LSS: variants seen among roughly 807,000 people sequenced by gnomAD.
LSS encodes 2,3-epoxysqualene-lanosterol cyclase.
A neutral mutation model predicts 110.3 loss-of-function variants in LSS; 90 were observed. The ratio of observed to expected loss-of-function variants is 0.82; its 90% CI spans 0.69 to 0.97. The LOEUF is 0.97. Ranked by LOEUF, LSS falls within the 50% of genes least tolerant of loss-of-function variation. LSS has a pLI of 0.00. For synonymous variants in LSS, 433 were observed against 400.0 expected (o/e 1.08, Z -0.98); for missense variants, 927 against 990.0 (o/e 0.94, Z 0.85).
intron 20 of LSS, among the ~76,000 whole-genome samples, chr21:46,194,260 T>C (rs2079874695): frequency 6.6e-6 from 1 of 152,188 alleles, no homozygotes; most frequent in Admixed American, 6.5e-5. Context: ...GGTGGTTCAC[T>C]TCTAAGAGGC....
intron 20 of LSS, chr21:46,192,374 G>A (rs2095304624): frequency 2.4e-6 from 1 of 415,672 alleles, no homozygotes; most frequent in Non-Finnish European, 4.8e-6. Flanking sequence ...GTGGGTCCCT[G>A]ACTGTCCTGC....
intron 17 of LSS, among the ~76,000 whole-genome samples, chr21:46,197,643 A>G (rs899747985): frequency 1.3e-5 from 2 of 152,342 alleles, no homozygotes; most frequent in Admixed American, 1.3e-4. Flanking sequence ...TAATCCCAGC[A>G]CTTTGGGAGA....
At position 46,195,891 on chromosome 21, in the gene LSS, G is replaced by C. The variant is rs61178871; in HGVS notation, c.1737-135C>G. On this transcript the variant is annotated intron_variant, in intron 18 of 21. Coordinates refer to ENST00000397728, the MANE Select transcript of LSS (RefSeq NM_002340.6). ...CAGTGCCTCAGGCATTAAGGCCGTG[G>C]AAGACAGCAGCTCTGTCTGCTGGAC... 131 of 713,362 alleles carry C rather than the reference G, an allele frequency of 1.8e-4. 1 individual carries two copies. In the South Asian group the frequency reaches 2.1e-3, roughly 11 times the overall value. The allele number at this position is 713,362 out of a possible 1,614,324, so 44.2% of individuals were successfully genotyped here.
At position 46,216,373 on chromosome 21, in the gene LSS, C is replaced by T. The variant is rs1406930210; in HGVS notation, c.783+16G>A. 1.2e-6 allele frequency: 2 copies of T among 1,613,410 alleles called. No individual in the cohort carries two copies. The highest frequency in any genetic ancestry group is 1.3e-5 in the African/African-American group (1 of 74,930). On this transcript the variant is annotated intron_variant, in intron 7 of 21. Transcript: ENST00000397728. The surrounding 1 kb of genome is among the most constrained non-coding windows in gnomAD (Gnocchi z 4.2). ...AGCCCCAGAGGCCTTCACTTTGTTCCCTGATGAGGTCCTACCTGGCGGAGG... is the reference window on the plus strand; with the variant it reads ...AGCCCCAGAGGCCTTCACTTTGTTCTCTGATGAGGTCCTACCTGGCGGAGG...
chr21:46,206,900 T>C, intron 15 of LSS, 132 bp from the exon 16 acceptor site: 1 of 701,040 alleles, frequency 1.4e-6, no homozygotes, highest in South Asian at 1.6e-5. Flanking sequence ...GGCGGAGAGC[T>C]GATTTCCACG....
At chr21:46,192,560 A>G (rs2079834370) in intron 20 of LSS, 1 of 396,084 alleles carries the variant, frequency 2.5e-6, no homozygotes, top group Admixed American at 2.6e-5. Flanking sequence ...ACATGTGTGC[A>G]TAGACCTGTA....
Position 46,227,541 on chromosome 21 carries a change from C to T in LSS, c.319+11G>A, listed in dbSNP as rs1462928777. 1.2e-6 allele frequency: 2 copies of T among 1,613,896 alleles called. No homozygotes were observed. Among genetic ancestry groups the T allele is most frequent in the South Asian group, 1.1e-5 (1 of 91,074 alleles). On this transcript the variant is annotated intron_variant, in intron 3 of 21. Coordinates refer to ENST00000397728, the MANE Select transcript of LSS (RefSeq NM_002340.6). ...TGGCCATACCATCAGGCTGGGGCAG[C>T]ATACTCCTACCTGGCAGGAGGAAAA... is the stretch of plus-strand genomic sequence containing the variant.
At chr21:46,219,702 T>G in intron 5 of LSS, 130 bp from the exon 6 acceptor site, 1 of 529,886 alleles carries the variant, frequency 1.9e-6, no homozygotes, top group Non-Finnish European at 3.3e-6. Context: ...CAGCCTCATG[T>G]GGATCTTGCG....
chr21:46,225,533 C>T (rs1222125646), intron 3 of LSS, among the ~76,000 whole-genome samples: 1 of 152,228 alleles, frequency 6.6e-6, no homozygotes, highest in Admixed American at 6.5e-5. Flanking sequence ...CAGGCCCACC[C>T]GCAGTTATCC....
At chr21:46,196,391 A>T (rs1454155597) in intron 17 of LSS, 124 bp from the exon 18 acceptor site, 47 of 751,508 alleles carry the variant, frequency 6.3e-5, no homozygotes, top group Non-Finnish European at 1.0e-4. Context: ...ATAAAAATAA[A>T]CAGTTTACAC....
chr21:46,228,328 C>A (rs2080382031), intron 2 of LSS, 106 bp downstream of exon 2: 5 of 1,312,844 alleles, frequency 3.8e-6, no homozygotes, highest in Non-Finnish European at 5.1e-6. Context: ...TGGGGATGGG[C>A]GTCGCTGGCC....
chr21:46,194,750 G>GGTGCA, intron 19 of LSS, 89 bp from the exon 20 acceptor site: 1 of 1,375,234 alleles, frequency 7.3e-7, no homozygotes, highest in Non-Finnish European at 9.8e-7. Flanking sequence ...CTTGGGGTAC[G>GGTGCA]GGGAGGAGCC....
At position 46,216,134 on chromosome 21, in the gene LSS, T is replaced by A. The variant is rs1401400449; in HGVS notation, c.783+255A>T. Among the ~76,000 whole-genome samples, 1 of 152,124 alleles carries A rather than the reference T, an allele frequency of 6.6e-6. No individual in the cohort carries two copies. Among genetic ancestry groups the A allele is most frequent in the Non-Finnish European group, 1.5e-5 (1 of 67,990 alleles). ...ACACAGTGCACATCTGCCTCCTGCA[T>A]CCCTTGAGTCCTGGAAGTCCCCCCC... On this transcript the variant is annotated intron_variant, in intron 7 of 21. Coordinates refer to ENST00000397728, the MANE Select transcript of LSS (RefSeq NM_002340.6). This position sits in a 1 kb window ranked among gnomAD's most constrained non-coding sequence, Gnocchi z 4.2.
chr21:46,209,662 C>T lies in LSS; in HGVS notation c.1195-37G>A, dbSNP rs2080102979. 1 of 1,572,356 alleles carries T rather than the reference C, an allele frequency of 6.4e-7. No individual in the cohort carries two copies. Among genetic ancestry groups the T allele is most frequent in the South Asian group, 1.1e-5 (1 of 87,174 alleles). On this transcript the variant is annotated intron_variant, in intron 12 of 21. Transcript: ENST00000397728. This position sits in a 1 kb window ranked among gnomAD's most constrained non-coding sequence, Gnocchi z 4.4. ...AGCAGGACAGAGAGGCTCAGCTGCC[C>T]TTGCACGGCCAGCATGGCTGCGCTG...
intron 17 of LSS, among the ~76,000 whole-genome samples, chr21:46,201,898 C>T (rs1237059110): frequency 2.0e-5 from 3 of 150,338 alleles, no homozygotes; most frequent in East Asian, 4.1e-4. Flanking sequence ...CCCGGGTTCA[C>T]GCCATTCTCC....
At chr21:46,206,577 C>A in intron 16 of LSS, 95 bp downstream of exon 16, 1 of 1,078,134 alleles carries the variant, frequency 9.3e-7, no homozygotes, top group East Asian at 2.4e-5. Flanking sequence ...GCCCTTGCAG[C>A]CTCGGGCAAG....
Position 46,219,484 on chromosome 21 carries a change from TG to T in LSS, c.638del (p.Pro213GlnfsTer28). On this transcript the variant is annotated frameshift_variant, in exon 6 of 22. Coordinates refer to ENST00000397728, the MANE Select transcript of LSS (RefSeq NM_002340.6). LOFTEE classifies it high-confidence loss of function. ...ATCAACAGCAGACATACCACATCTC[TG>T]GGAACAGGGTATTGAGGCCTTCCCA... is the stretch of plus-strand genomic sequence containing the variant. ...YSWEGLNTLF[P>X]EMWLFPDWAP... is the part of the protein sequence containing the mutation. 1 of 1,592,840 alleles carries T rather than the reference TG, an allele frequency of 6.3e-7. No individual in the cohort carries two copies. The highest frequency in any genetic ancestry group is 1.1e-5 in the South Asian group (1 of 87,760).
At chr21:46,200,989 T>C (rs1262492593) in intron 17 of LSS, among the ~76,000 whole-genome samples, 1 of 152,198 alleles carries the variant, frequency 6.6e-6, no homozygotes, top group African/African-American at 2.4e-5. Flanking sequence ...CTGGATCATG[T>C]GGGAAGACAG....
chr21:46,194,818 A>G (rs1040007387), intron 19 of LSS, among the ~76,000 whole-genome samples, 157 bp from the exon 20 acceptor site: 2 of 152,198 alleles, frequency 1.3e-5, no homozygotes, highest in Admixed American at 1.3e-4. Flanking sequence ...CCCGAGCTTG[A>G]CTTTTGCAGA....
Sources: gnomAD v4.1 joint callset for allele counts (sites outside exome capture counted in the v4.1 genomes callset) on GRCh38, gnomAD v4.1.1 for gene constraint, Gnocchi (gnomAD v3.1) non-coding constraint, MANE v1.5 for transcripts, NCBI Gene and HGNC (gene_info 2026-07-23, HGNC 2026-07-21) for gene names.